NCOR2: variants seen among roughly 807,000 people sequenced by gnomAD.
NCOR2 encodes the protein CTG repeat protein 26.
Under a neutral mutation model 262.9 loss-of-function variants are expected in NCOR2, and 81 were observed. The observed-to-expected ratio is 0.31, with a 90% CI of 0.26 to 0.37. The LOEUF (loss-of-function observed/expected upper bound fraction) is 0.37. Ranked by LOEUF, NCOR2 falls within the 10% of genes least tolerant of loss-of-function variation. The probability of loss-of-function intolerance (pLI) is 1.00; values close to 1 mark genes in which losing one functional copy is unlikely to be tolerated. For missense variants in NCOR2, 3,385 were observed against 3,621.4 expected (o/e 0.93, Z 1.68); for synonymous variants, 1,659 against 1,559.3 (o/e 1.06, Z -1.51).
chr12:124,383,785 C>T (rs934774998), intron 17 of NCOR2, among the ~76,000 whole-genome samples: 1 of 152,226 alleles, frequency 6.6e-6, no homozygotes, highest in African/African-American at 2.4e-5. Flanking sequence ...AATTCACTGC[C>T]CAAGGTCACA....
At chr12:124,476,737 A>G (rs567949372) in intron 3 of NCOR2, among the ~76,000 whole-genome samples, 1 of 152,318 alleles carries the variant, frequency 6.6e-6, no homozygotes, top group South Asian at 2.1e-4. Context: ...TTTTATTCGC[A>G]GCAAAATTGC....
intron 1 of NCOR2, among the ~76,000 whole-genome samples, chr12:124,493,927 C>T (rs542944454): frequency 3.3e-4 from 51 of 152,276 alleles, no homozygotes; most frequent in African/African-American, 9.6e-4. Context: ...TCCTCATCTG[C>T]GAAGTGGGAT....
rs928627758 is a variant in NCOR2, at chr12:124,489,027, T to C, written c.106-2459A>G. 1.1e-4 allele frequency among the ~76,000 whole-genome samples: 16 copies of C among 151,852 alleles called. 1 individual carries two copies. Among genetic ancestry groups the C allele is most frequent in the African/African-American group, 3.6e-4 (15 of 41,338 alleles). On this transcript the variant is annotated intron_variant, in intron 1 of 46. Transcript: ENST00000405201. Reference sequence around the variant, plus strand: ...ACCCTGGGAGACACTCGGTCCACACTGGCCCCCACCACTAGGCTTGAAGCA... The same window carrying C: ...ACCCTGGGAGACACTCGGTCCACACCGGCCCCCACCACTAGGCTTGAAGCA...
At chr12:124,513,946 T>C (rs2049564280) in intron 1 of NCOR2, 1 of 152,200 alleles carries the variant, frequency 6.6e-6, no homozygotes, top group African/African-American at 2.4e-5. Context: ...GCCCCATTTA[T>C]GGGGAGGGGA....
At chr12:124,375,453 G>A (rs886245416) in intron 18 of NCOR2, among the ~76,000 whole-genome samples, 15 of 152,210 alleles carry the variant, frequency 9.9e-5, no homozygotes, top group African/African-American at 3.1e-4. Flanking sequence ...GATTCAGTAC[G>A]TGTGGACTGG....
intron 28 of NCOR2, 148 bp from the exon 31 acceptor site, chr12:124,348,462 G>A: frequency 8.9e-7 from 1 of 1,129,048 alleles, no homozygotes; most frequent in South Asian, 1.6e-5. Context: ...GGCCTCCAGA[G>A]GGAGCTGGCA....
At position 124,369,237 on chromosome 12, in the gene NCOR2, A is replaced by C. The variant is rs557522888; in HGVS notation, c.2807+2785T>G. Among the ~76,000 whole-genome samples, 213 of 152,298 alleles carry C rather than the reference A, an allele frequency of 1.4e-3. 1 individual carries two copies. Among genetic ancestry groups the C allele is most frequent in the African/African-American group, 5.0e-3 (208 of 41,570 alleles). ...AGGCAGGCAGGCTCGGGGTTTTGCA[A>C]TTGAAGCCACTATCTCTGGTCGTCT... On this transcript the variant is annotated intron_variant, in intron 20 of 46. Transcript: ENST00000405201.
intron 6 of NCOR2, among the ~76,000 whole-genome samples, chr12:124,455,141 A>AATGTTCTCC (rs1242820285): frequency 6.6e-6 from 1 of 152,226 alleles, no homozygotes; most frequent in Non-Finnish European, 1.5e-5. Flanking sequence ...GAGATGATGG[A>AATGTTCTCC]ATGTTCTAAA....
chr12:124,451,272 C>A (rs1390767891), intron 6 of NCOR2, among the ~76,000 whole-genome samples: 1 of 152,238 alleles, frequency 6.6e-6, no homozygotes, highest in African/African-American at 2.4e-5. Context: ...TGAGCCCACA[C>A]CAGCAGAAAT....
rs528276567 is a variant in NCOR2, at chr12:124,345,305, G to T, written c.4360-354C>A. 2.0e-5 allele frequency among the ~76,000 whole-genome samples: 3 copies of T among 152,252 alleles called. 1 individual carries two copies. In the East Asian group the frequency reaches 5.8e-4, roughly 30 times the overall value. On this transcript the variant is annotated intron_variant, in intron 31 of 46. Transcript: ENST00000405201. Reference sequence around the variant, plus strand: ...TCATGTGGGTAAAAAACATTCCTCTGTTCAGCCTGGGACCCTCCATGGCCC... The same window carrying T: ...TCATGTGGGTAAAAAACATTCCTCTTTTCAGCCTGGGACCCTCCATGGCCC...
Position 124,566,684 on chromosome 12 carries a change from C to T in NCOR2, c.-165+624G>A, listed in dbSNP as rs1262562587. Among the ~76,000 whole-genome samples the T allele has an allele frequency of 6.6e-6, 1 of 152,218 alleles. No individual in the cohort carries two copies. Among genetic ancestry groups the T allele is most frequent in the Non-Finnish European group, 1.5e-5 (1 of 68,022 alleles). Reference sequence around the variant, plus strand: ...AGGCGGCCCAATGAGGCGTCACCAGCCACGGGAGGCAGGCCCAGACACCAG... The same window carrying T: ...AGGCGGCCCAATGAGGCGTCACCAGTCACGGGAGGCAGGCCCAGACACCAG... On this transcript the variant is annotated intron_variant, in intron 1 of 32. Coordinates refer to the NCOR2 transcript ENST00000458234. The surrounding 1 kb of genome is among the most constrained non-coding windows in gnomAD (Gnocchi z 4.3).
rs78491996 is a variant in NCOR2 at position 124,390,691 on chromosome 12, C to T, written c.1877-4804G>A. The stretch of plus-strand genomic sequence containing the variant: ...AGCTCTGCAGGGGGCCCCGAACCCT[C>T]CCAAAAGAGGCTGGGGTATCCCCCT... On this transcript the variant is annotated intron_variant, in intron 16 of 46. Transcript: ENST00000405201. 4.4e-3 allele frequency among the ~76,000 whole-genome samples: 670 copies of T among 152,314 alleles called. 26 individuals carry two copies. In the East Asian group the frequency reaches 0.085, roughly 19 times the overall value.
chr12:124,455,819 A>C (rs1040104030), intron 6 of NCOR2, among the ~76,000 whole-genome samples: 2 of 152,218 alleles, frequency 1.3e-5, no homozygotes, highest in African/African-American at 4.8e-5. Context: ...TCCTAAGGCC[A>C]CTTGGCAAAC....
chr12:124,452,914 C>G (rs991537067), intron 6 of NCOR2, among the ~76,000 whole-genome samples: 1 of 152,164 alleles, frequency 6.6e-6, no homozygotes, highest in Non-Finnish European at 1.5e-5. Flanking sequence ...GGCCTCTAAA[C>G]AGGAACTGCC....
chr12:124,553,872 C>G (rs1037588297), intron 1 of NCOR2, among the ~76,000 whole-genome samples: 2 of 152,308 alleles, frequency 1.3e-5, no homozygotes, highest in Non-Finnish European at 2.9e-5. Context: ...CGGGAGGAGA[C>G]GTCCAAGAGC....
At chr12:124,365,347 G>A (rs2038945312) in intron 20 of NCOR2, among the ~76,000 whole-genome samples, 1 of 152,224 alleles carries the variant, frequency 6.6e-6, no homozygotes, top group African/African-American at 2.4e-5. Flanking sequence ...GGTGAGAGCT[G>A]TGACAACAGG....
At chr12:124,550,697 A>G (rs1355002556) in intron 1 of NCOR2, among the ~76,000 whole-genome samples, 3 of 152,202 alleles carry the variant, frequency 2.0e-5, no homozygotes, top group African/African-American at 7.2e-5. Context: ...TTTTATGTAA[A>G]GCAGCTGCCA....
At position 124,440,188 on chromosome 12, in the gene NCOR2, AT is replaced by A. The variant is rs2044728034; in HGVS notation, c.816-2193del. Among the ~76,000 whole-genome samples, 1 of 152,070 alleles carries A rather than the reference AT, an allele frequency of 6.6e-6. No individual in the cohort carries two copies. The highest frequency in any genetic ancestry group is 1.5e-5 in the Non-Finnish European group (1 of 68,006). The stretch of plus-strand genomic sequence containing the variant: ...GGGAGGGGATCCCCAACTTTTTCAT[AT>A]TCTCAGCAGTGTCCAAACCCCCTCA... On this transcript the variant is annotated intron_variant, in intron 7 of 46. Coordinates refer to ENST00000405201, the Ensembl canonical transcript of NCOR2. This position sits in a 1 kb window ranked among gnomAD's most constrained non-coding sequence, Gnocchi z 5.7.
chr12:124,559,035 C>A (rs1028018451), intron 1 of NCOR2, among the ~76,000 whole-genome samples: 15 of 152,258 alleles, frequency 9.9e-5, no homozygotes, highest in African/African-American at 3.4e-4. Context: ...CCTCCGGACC[C>A]CAGAAAAGAC....
Sources: gnomAD v4.1 joint callset for allele counts (sites outside exome capture counted in the v4.1 genomes callset) on GRCh38, gnomAD v4.1.1 for gene constraint, Gnocchi (gnomAD v3.1) non-coding constraint, MANE v1.5 for transcripts, NCBI Gene and HGNC (gene_info 2026-07-23, HGNC 2026-07-21) for gene names.